The following SDCCAG8 variants were observed in gnomAD, a reference collection of about 807,000 sequenced individuals.
SDCCAG8 encodes serologically defined colon cancer antigen 8.
SDCCAG8 carries 74 observed loss-of-function variants against 101.8 expected under a neutral mutation model. The ratio of observed to expected loss-of-function variants is 0.73; its 90% CI spans 0.60 to 0.88. The LOEUF (loss-of-function observed/expected upper bound fraction) is 0.88. Ranked by LOEUF, SDCCAG8 falls within the 40% of genes least tolerant of loss-of-function variation. SDCCAG8 has a pLI of 0.00. For synonymous variants in SDCCAG8, 281 were observed against 292.9 expected (o/e 0.96, Z 0.41); for missense variants, 787 against 822.6 (o/e 0.96, Z 0.53).
intron 16 of SDCCAG8, among the ~76,000 whole-genome samples, chr1:243,429,695 A>ATTTTTTTTTTTTTTT (rs796450909): frequency 1.1e-5 from 1 of 92,938 alleles, no homozygotes. Flanking sequence ...TGCTCTGCTA[A>ATTTTTTTTTTTTTTT]TTTTTTTTTT....
At chr1:243,274,799 G>A in intron 4 of SDCCAG8, 143 bp downstream of exon 4, 1 of 598,306 alleles carries the variant, frequency 1.7e-6, no homozygotes, top group Non-Finnish European at 3.1e-6. Context: ...AGAGACTGAT[G>A]TGTCACAAGA....
intron 6 of SDCCAG8, among the ~76,000 whole-genome samples, chr1:243,298,189 C>T (rs558740031): frequency 5.5e-4 from 84 of 151,678 alleles, no homozygotes; most frequent in African/African-American, 1.6e-3. Context: ...GCTGGGATTA[C>T]GGGCGCATGC....
chr1:243,428,312 A>G (rs913889767), intron 16 of SDCCAG8, among the ~76,000 whole-genome samples: 8 of 152,208 alleles, frequency 5.3e-5, no homozygotes, highest in African/African-American at 1.7e-4. Context: ...TGTGTGTCAC[A>G]TTTTCTACCA....
chr1:243,302,225 G>T (rs1451328627), intron 6 of SDCCAG8, among the ~76,000 whole-genome samples: 1 of 152,200 alleles, frequency 6.6e-6, no homozygotes, highest in Non-Finnish European at 1.5e-5. Context: ...TCGAGCTTGG[G>T]TGACAGAGTG....
intron 16 of SDCCAG8, among the ~76,000 whole-genome samples, chr1:243,478,709 A>C (rs1662891030): frequency 6.6e-6 from 1 of 152,200 alleles, no homozygotes; most frequent in Non-Finnish European, 1.5e-5. Context: ...CTGTAATCCC[A>C]GCACTTTGGG....
intron 12 of SDCCAG8, among the ~76,000 whole-genome samples, chr1:243,369,139 CA>C (rs2077150242): frequency 6.6e-6 from 1 of 152,026 alleles, no homozygotes; most frequent in Admixed American, 6.6e-5. Flanking sequence ...ATATTCCTGC[CA>C]CATTGGAGAC....
At chr1:243,281,523 G>T (rs1456286585) in intron 4 of SDCCAG8, among the ~76,000 whole-genome samples, 1 of 151,288 alleles carries the variant, frequency 6.6e-6, no homozygotes, top group African/African-American at 2.4e-5. Context: ...GGTATATTCA[G>T]ACCATTATAT....
intron 10 of SDCCAG8, among the ~76,000 whole-genome samples, chr1:243,333,854 C>G (rs890644261): frequency 3.9e-5 from 6 of 152,152 alleles, no homozygotes; most frequent in Non-Finnish European, 8.8e-5. Context: ...ATAGGAGGTT[C>G]TGGAGTTTAG....
chr1:243,294,482 G>GGAGAGAGAGAGAGAGAAAGAGA (rs1558248017), intron 6 of SDCCAG8, among the ~76,000 whole-genome samples: 5 of 99,976 alleles, frequency 5.0e-5, no homozygotes, highest in Admixed American at 9.6e-5. Context: ...GTGGGGGGGG[G>GGAGAGAGAGAGAGAGAAAGAGA]GAGAGAGAGA....
chr1:243,263,444 A>C (rs1400685406), intron 1 of SDCCAG8, among the ~76,000 whole-genome samples: 2 of 152,216 alleles, frequency 1.3e-5, no homozygotes, highest in African/African-American at 2.4e-5. Context: ...AGTAATTACA[A>C]GTAAGGATAT....
chr1:243,296,731 G>C (rs1013579691), intron 6 of SDCCAG8, among the ~76,000 whole-genome samples: 1 of 150,784 alleles, frequency 6.6e-6, no homozygotes, highest in Non-Finnish European at 1.5e-5. Flanking sequence ...ATTTTTAGTA[G>C]AGACGGGGTT....
intron 12 of SDCCAG8, among the ~76,000 whole-genome samples, chr1:243,353,060 C>T (rs1403467692): frequency 6.6e-6 from 1 of 152,074 alleles, no homozygotes; most frequent in African/African-American, 2.4e-5. Context: ...TAGCTATAAT[C>T]AATTTCTGTC....
chr1:243,415,661 C>T, intron 13 of SDCCAG8, 41 bp from the exon 14 acceptor site: 2 of 1,613,304 alleles, frequency 1.2e-6, no homozygotes, highest in Non-Finnish European at 1.7e-6. Flanking sequence ...GTTTGTGCAT[C>T]TGCAGATTAA....
chr1:243,298,350 CTTTTTTT>C (rs35061154), intron 6 of SDCCAG8, among the ~76,000 whole-genome samples: 1 of 51,078 alleles, frequency 2.0e-5, no homozygotes, highest in African/African-American at 8.1e-5. Context: ...CGCACCCTGC[CTTTTTTT>C]TTTTTTTTTT....
intron 16 of SDCCAG8, among the ~76,000 whole-genome samples, chr1:243,483,285 C>A (rs1370016397): frequency 1.3e-5 from 2 of 152,056 alleles, no homozygotes. Context: ...CCGGCGCCCT[C>A]GTCCCCGCAG....
At position 243,426,671 on chromosome 1, in the gene SDCCAG8, G is replaced by A. The variant is rs2081363739; in HGVS notation, c.1985+113G>A. ...AATTCATCATCATTATGCTACTTGTGACATGCTCAAAATCTAATACTTTAT... is the reference window on the plus strand; with the variant it reads ...AATTCATCATCATTATGCTACTTGTAACATGCTCAAAATCTAATACTTTAT... On this transcript the variant is annotated intron_variant, in intron 16 of 17. Coordinates refer to ENST00000366541, the MANE Select transcript of SDCCAG8 (RefSeq NM_006642.5). 1.3e-5 allele frequency: 17 copies of A among 1,286,590 alleles called. No homozygotes were observed. The South Asian group carries it at 1.8e-4, about 14-fold the overall frequency. 79.7% of individuals were successfully genotyped at this position (1,286,590 alleles called of 1,614,324 possible).
intron 12 of SDCCAG8, among the ~76,000 whole-genome samples, chr1:243,370,383 C>T (rs1020402366): frequency 6.6e-6 from 1 of 152,100 alleles, no homozygotes; most frequent in African/African-American, 2.4e-5. Context: ...AACTTACATT[C>T]ATAAGAGTGC....
At chr1:243,370,160 G>A (rs2077205159) in intron 12 of SDCCAG8, among the ~76,000 whole-genome samples, 1 of 151,718 alleles carries the variant, frequency 6.6e-6, no homozygotes, top group Non-Finnish European at 1.5e-5. Context: ...TTTTATGTCT[G>A]CTCCTAGCAT....
At chr1:243,462,288 C>T (rs989359281) in intron 16 of SDCCAG8, among the ~76,000 whole-genome samples, 4 of 152,214 alleles carry the variant, frequency 2.6e-5, no homozygotes, top group African/African-American at 2.4e-5. Context: ...GTGGTGAGCT[C>T]CAGTGTTCTC....
Sources: allele counts gnomAD v4.1 joint callset (sites outside exome capture counted in the v4.1 genomes callset), GRCh38; gene constraint gnomAD v4.1.1; transcripts MANE v1.5; gene names NCBI Gene and HGNC (gene_info 2026-07-23, HGNC 2026-07-21).